GMDS: variants seen among roughly 807,000 people sequenced by gnomAD.
GMDS encodes GDP-mannose 4,6-dehydratase, also known as GDP-mannose 4,6 dehydratase.
Under a neutral mutation model 49.9 loss-of-function variants are expected in GMDS, and 20 were observed. That is an observed-to-expected ratio of 0.40 (90% confidence interval 0.28 to 0.58). GMDS has a LOEUF of 0.58. GMDS is among the 20% of genes least tolerant of loss of function. The pLI, the probability that GMDS is intolerant of heterozygous loss-of-function variation, is 0.42. For missense variants in GMDS, 362 were observed against 481.4 expected (o/e 0.75, Z 2.32); for synonymous variants, 177 against 178.6 (o/e 0.99, Z 0.07).
intron 4 of GMDS, among the ~76,000 whole-genome samples, chr6:2,025,832 C>A (rs1362629310): frequency 6.6e-6 from 1 of 152,074 alleles, no homozygotes; most frequent in Non-Finnish European, 1.5e-5. Flanking sequence ...TCCTAAAAAA[C>A]CGACATAGGA....
At chr6:1,871,288 T>C (rs896922450) in intron 7 of GMDS, among the ~76,000 whole-genome samples, 16 of 152,120 alleles carry the variant, frequency 1.1e-4, no homozygotes, top group Non-Finnish European at 1.8e-4. Context: ...TGTGCAAGCA[T>C]AGAGATATAT....
At chr6:1,830,207 C>G (rs1771294071) in intron 7 of GMDS, among the ~76,000 whole-genome samples, 1 of 152,132 alleles carries the variant, frequency 6.6e-6, no homozygotes, top group Non-Finnish European at 1.5e-5. Context: ...ATAGAACATT[C>G]CCATAAGCAG....
chr6:2,084,978 T>C (rs1581629555), intron 4 of GMDS, among the ~76,000 whole-genome samples: 1 of 152,184 alleles, frequency 6.6e-6, no homozygotes, highest in Non-Finnish European at 1.5e-5. Context: ...CAGAAGTCAG[T>C]ACCAAATTTA....
At chr6:1,793,313 G>A (rs1299779510) in intron 7 of GMDS, among the ~76,000 whole-genome samples, 1 of 152,146 alleles carries the variant, frequency 6.6e-6, no homozygotes, top group East Asian at 1.9e-4. Flanking sequence ...TCTGTTCTAG[G>A]GATAGAGATA....
At chr6:1,939,905 G>A (rs1342784905) in intron 6 of GMDS, among the ~76,000 whole-genome samples, 3 of 152,134 alleles carry the variant, frequency 2.0e-5, no homozygotes, top group Admixed American at 1.3e-4. Context: ...TGATGATGCC[G>A]TAGACGTAAG....
At chr6:2,221,532 G>A (rs1208174731) in intron 1 of GMDS, among the ~76,000 whole-genome samples, 2 of 152,052 alleles carry the variant, frequency 1.3e-5, no homozygotes, top group Non-Finnish European at 2.9e-5. Context: ...GGGACTACAG[G>A]CACCCGCCAC....
chr6:2,001,113 T>C (rs1297402143), intron 4 of GMDS, among the ~76,000 whole-genome samples: 1 of 152,212 alleles, frequency 6.6e-6, no homozygotes, highest in African/African-American at 2.4e-5. Context: ...TCATCAGTAG[T>C]GTACGAGATT....
intron 9 of GMDS, among the ~76,000 whole-genome samples, chr6:1,697,611 G>A (rs761260226): frequency 1.3e-5 from 2 of 152,192 alleles, no homozygotes; most frequent in Admixed American, 6.5e-5. Context: ...CAGCATCAGC[G>A]TCACATGAGA....
chr6:2,139,611 A>G (rs551366519), intron 1 of GMDS, among the ~76,000 whole-genome samples: 1 of 152,182 alleles, frequency 6.6e-6, no homozygotes, highest in African/African-American at 2.4e-5. Context: ...TACTCTAATT[A>G]TCCCCACATT....
At chr6:2,206,325 T>G (rs1441914159) in intron 1 of GMDS, among the ~76,000 whole-genome samples, 1 of 151,760 alleles carries the variant, frequency 6.6e-6, no homozygotes, top group Non-Finnish European at 1.5e-5. Context: ...AGTGTTGTTA[T>G]CTTTAATATC....
At position 1,640,629 on chromosome 6, in the gene GMDS, G is replaced by T. The variant is rs1484888247; in HGVS notation, c.988-16089C>A. Among the ~76,000 whole-genome samples, 1 of 152,208 alleles carries T rather than the reference G, an allele frequency of 6.6e-6. No homozygotes were observed. Among genetic ancestry groups the T allele is most frequent in the African/African-American group, 2.4e-5 (1 of 41,454 alleles). On this transcript the variant is annotated intron_variant, in intron 9 of 10. Transcript: ENST00000380815. This position sits in a 1 kb window ranked among gnomAD's most constrained non-coding sequence, Gnocchi z 4.0. Reference sequence around the variant, plus strand: ...TAAACAGCAGGGCAGGCTGTCTCAGGTGTGGTTCCAGAGCACATGGAATGT... The same window carrying T: ...TAAACAGCAGGGCAGGCTGTCTCAGTTGTGGTTCCAGAGCACATGGAATGT...
intron 9 of GMDS, among the ~76,000 whole-genome samples, chr6:1,696,242 C>T (rs1765336269): frequency 1.3e-5 from 2 of 152,196 alleles, no homozygotes; most frequent in Non-Finnish European, 2.9e-5. Flanking sequence ...TGGCCTTCTA[C>T]CACACACCTA....
intron 4 of GMDS, among the ~76,000 whole-genome samples, chr6:2,066,164 A>C (rs1298029247): frequency 1.3e-5 from 2 of 151,686 alleles, no homozygotes; most frequent in Non-Finnish European, 2.9e-5. Context: ...ATATCCAGCC[A>C]AACTAAGCTT....
At chr6:1,846,464 C>T (rs1370328666) in intron 7 of GMDS, among the ~76,000 whole-genome samples, 6 of 152,024 alleles carry the variant, frequency 3.9e-5, no homozygotes, top group African/African-American at 1.4e-4. Flanking sequence ...AAAACTACTA[C>T]AATATTGGGT....
At chr6:1,722,149 C>T (rs910043998) in intron 9 of GMDS, among the ~76,000 whole-genome samples, 22 of 146,922 alleles carry the variant, frequency 1.5e-4, no homozygotes, top group African/African-American at 5.0e-4. Context: ...TCACTGCAAG[C>T]TCCACCTCCC....
At chr6:1,737,857 A>G (rs1767082375) in intron 8 of GMDS, among the ~76,000 whole-genome samples, 1 of 149,524 alleles carries the variant, frequency 6.7e-6, no homozygotes, top group Admixed American at 6.7e-5. Context: ...GCGCACAGAT[A>G]TGCACACATA....
At chr6:1,678,064 T>C (rs549167737) in intron 9 of GMDS, among the ~76,000 whole-genome samples, 1 of 152,300 alleles carries the variant, frequency 6.6e-6, no homozygotes, top group South Asian at 2.1e-4. Context: ...CTGTTTTCAT[T>C]TTTATTAATT....
intron 7 of GMDS, among the ~76,000 whole-genome samples, chr6:1,801,437 TCA>T (rs1769945803): frequency 6.6e-6 from 1 of 152,242 alleles, no homozygotes; most frequent in Non-Finnish European, 1.5e-5. Flanking sequence ...TATCAGAGAT[TCA>T]TACCCTTTGA....
At chr6:1,762,908 A>G (rs1034389681) in intron 7 of GMDS, among the ~76,000 whole-genome samples, 1 of 152,234 alleles carries the variant, frequency 6.6e-6, no homozygotes, top group African/African-American at 2.4e-5. Context: ...TAAATCAATA[A>G]TATCAAAGAA....
Sources: allele counts gnomAD v4.1 joint callset (sites outside exome capture counted in the v4.1 genomes callset), GRCh38; gene constraint gnomAD v4.1.1; non-coding constraint Gnocchi (gnomAD v3.1); transcripts MANE v1.5; gene names NCBI Gene and HGNC (gene_info 2026-07-23, HGNC 2026-07-21).